The following SOX5 variants were observed in gnomAD, a reference collection of about 807,000 sequenced individuals.
SOX5 encodes SRY-box transcription factor 5.
SOX5 carries 9 observed loss-of-function variants against 92.0 expected under a neutral mutation model. That is an observed-to-expected ratio of 0.10 (90% CI 0.06 to 0.17). SOX5 has a LOEUF of 0.17. Ranked by LOEUF, SOX5 falls within the 10% of genes least tolerant of loss-of-function variation. The pLI, the probability that SOX5 is intolerant of heterozygous loss-of-function variation, is 1.00. For synonymous variants in SOX5, 344 were observed against 336.3 expected, an observed-to-expected ratio of 1.02 and a Z score of -0.25; for missense variants, 642 against 944.5, an observed-to-expected ratio of 0.68 and a Z score of 4.20.
Position 23,694,337 on chromosome 12 carries a change from T to G in SOX5, c.811-28773A>C, listed in dbSNP as rs73282006. Among the ~76,000 whole-genome samples the G allele has an allele frequency of 7.8e-3, 1,190 of 152,328 alleles. 11 individuals carry two copies. The highest frequency in any genetic ancestry group is 0.027 in the African/African-American group (1,133 of 41,586). On this transcript the variant is annotated intron_variant, in intron 6 of 14. Coordinates refer to ENST00000451604, the MANE Select transcript of SOX5 (RefSeq NM_006940.6). The stretch of plus-strand genomic sequence containing the variant: ...ACTTCCCTTTAAATATTAACTCATT[T>G]ATTGTCTCTATTCTTGCATTCTAGG...
intron 3 of SOX5, among the ~76,000 whole-genome samples, chr12:24,236,025 TA>T (rs548796466): frequency 4.6e-4 from 70 of 151,752 alleles, no homozygotes; most frequent in East Asian, 1.8e-3. Context: ...CCACCTCTAC[TA>T]AAAAAACACA....
At chr12:24,031,779 A>G (rs1955534786) in intron 4 of SOX5, among the ~76,000 whole-genome samples, 1 of 151,894 alleles carries the variant, frequency 6.6e-6, no homozygotes, top group African/African-American at 2.4e-5. Context: ...AGAGTAACTT[A>G]GCAATTGAGT....
chr12:24,261,744 C>T (rs368596257), intron 3 of SOX5, among the ~76,000 whole-genome samples: 3 of 152,202 alleles, frequency 2.0e-5, no homozygotes, highest in African/African-American at 7.2e-5. Context: ...CTTTGTGCAT[C>T]CTGTCTCAGT....
chr12:24,193,592 C>G (rs1013154205), intron 4 of SOX5, among the ~76,000 whole-genome samples: 2 of 152,202 alleles, frequency 1.3e-5, no homozygotes, highest in Non-Finnish European at 2.9e-5. Flanking sequence ...TATGCACTCT[C>G]TTTGAGCACA....
intron 3 of SOX5, among the ~76,000 whole-genome samples, chr12:24,266,659 T>C (rs1427354229): frequency 6.6e-6 from 1 of 152,234 alleles, no homozygotes; most frequent in African/African-American, 2.4e-5. Context: ...TTTCTATTCA[T>C]TTGTAAGCAG....
At chr12:24,114,366 C>T (rs1326093632) in intron 4 of SOX5, among the ~76,000 whole-genome samples, 1 of 151,832 alleles carries the variant, frequency 6.6e-6, no homozygotes, top group Non-Finnish European at 1.5e-5. Context: ...GGATTGAGCT[C>T]AGGAGTTTCA....
At chr12:24,070,244 C>T (rs1253124825) in intron 4 of SOX5, among the ~76,000 whole-genome samples, 1 of 152,158 alleles carries the variant, frequency 6.6e-6, no homozygotes, top group Non-Finnish European at 1.5e-5. Context: ...ATTTCCACCC[C>T]TTCCTACAGA....
chr12:23,720,335 T>C (rs1374219899), intron 6 of SOX5, among the ~76,000 whole-genome samples: 1 of 152,202 alleles, frequency 6.6e-6, no homozygotes, highest in Non-Finnish European at 1.5e-5. Flanking sequence ...GAAAATATTT[T>C]TCTTAGCCAG....
chr12:24,426,257 G>A (rs1203241191), intron 1 of SOX5, among the ~76,000 whole-genome samples: 1 of 139,646 alleles, frequency 7.2e-6, no homozygotes, highest in Admixed American at 8.0e-5. Flanking sequence ...TCATAGGTGG[G>A]AATTGAACAA....
intron 2 of SOX5, among the ~76,000 whole-genome samples, chr12:23,862,698 CA>C (rs1416983736): frequency 6.6e-6 from 1 of 152,104 alleles, no homozygotes; most frequent in Non-Finnish European, 1.5e-5. Context: ...TTCAATCTGA[CA>C]AAAATAAATG....
chr12:24,440,340 AGT>A (rs1490993509), intron 1 of SOX5, among the ~76,000 whole-genome samples: 1 of 152,110 alleles, frequency 6.6e-6, no homozygotes, highest in Non-Finnish European at 1.5e-5. Flanking sequence ...TAAATTCTTC[AGT>A]GTGTGGGGTG....
At chr12:24,460,559 T>C (rs1363203726) in intron 1 of SOX5, 1 of 152,234 alleles carries the variant, frequency 6.6e-6, no homozygotes, top group African/African-American at 2.4e-5. Flanking sequence ...AGGTTCAAAC[T>C]ACAATGTTTT....
intron 4 of SOX5, among the ~76,000 whole-genome samples, chr12:24,151,687 A>G (rs1951671289): frequency 6.6e-6 from 1 of 152,092 alleles, no homozygotes; most frequent in Non-Finnish European, 1.5e-5. Flanking sequence ...CTACTCAAAC[A>G]GCAAAATGAA....
rs540737305 is a variant in SOX5, at chr12:23,717,509, T to C, written c.810+17175A>G. Among the ~76,000 whole-genome samples the C allele has an allele frequency of 7.2e-5, 11 of 152,344 alleles. No homozygotes were observed. In the South Asian group the frequency reaches 2.3e-3, roughly 32 times the overall value. On this transcript the variant is annotated intron_variant, in intron 6 of 14. Coordinates refer to ENST00000451604, the MANE Select transcript of SOX5 (RefSeq NM_006940.6). ...TTAAATAGTGAGCAGAAAACAGGCC[T>C]GGAGCATTTCTCACCATCATGTTTA...
intron 1 of SOX5, among the ~76,000 whole-genome samples, chr12:24,416,348 T>G (rs984951932): frequency 6.6e-5 from 10 of 152,182 alleles, no homozygotes; most frequent in Non-Finnish European, 1.5e-4. Flanking sequence ...TCCAACTTGT[T>G]ATATCCAGCC....
chr12:24,330,792 T>G (rs1951215573), intron 2 of SOX5, among the ~76,000 whole-genome samples: 1 of 152,242 alleles, frequency 6.6e-6, no homozygotes, highest in South Asian at 2.1e-4. Context: ...ATCATTTGAT[T>G]GGAGTTATCG....
chr12:23,633,628 G>A (rs1304274417), intron 8 of SOX5, among the ~76,000 whole-genome samples: 2 of 151,978 alleles, frequency 1.3e-5, no homozygotes. Flanking sequence ...AAAAAAAGAA[G>A]GAAGGAGAGG....
upstream of SOX5, among the ~76,000 whole-genome samples, chr12:23,955,619 T>C (rs551099478): frequency 1.3e-5 from 2 of 152,294 alleles, no homozygotes; most frequent in South Asian, 4.1e-4. Flanking sequence ...ATTTATTTTT[T>C]TACTCTCTAC....
chr12:23,948,516 C>G (rs1944983433), intron 1 of SOX5, among the ~76,000 whole-genome samples: 1 of 151,554 alleles, frequency 6.6e-6, no homozygotes, highest in African/African-American at 2.4e-5. Flanking sequence ...ATTGCATAGT[C>G]AGATACAACA....
Sources: allele counts gnomAD v4.1 joint callset (sites outside exome capture counted in the v4.1 genomes callset), GRCh38; gene constraint gnomAD v4.1.1; transcripts MANE v1.5; gene names NCBI Gene and HGNC (gene_info 2026-07-23, HGNC 2026-07-21).